ADAMTS6: variants seen among roughly 807,000 people sequenced by gnomAD.
The protein encoded by ADAMTS6 is ADAM metallopeptidase with thrombospondin type 1 motif 6.
In ADAMTS6, 23 loss-of-function variants were observed where a neutral mutation model predicts 144.3. The ratio of observed to expected loss-of-function variants is 0.16; its 90% confidence interval spans 0.11 to 0.23. The LOEUF (loss-of-function observed/expected upper bound fraction) is 0.23, where lower values mean the gene tolerates loss of function less well. Ranked by LOEUF, ADAMTS6 falls within the 10% of genes least tolerant of loss-of-function variation. The pLI, the probability that ADAMTS6 is intolerant of heterozygous loss-of-function variation, is 1.00. For synonymous variants in ADAMTS6, 444 were observed against 457.5 expected (o/e 0.97, Z 0.38); for missense variants, 999 against 1,379.6 (o/e 0.72, Z 4.37).
chr5:65,424,345 T>C (rs898777816), intron 7 of ADAMTS6, among the ~76,000 whole-genome samples: 5 of 152,220 alleles, frequency 3.3e-5, no homozygotes, highest in African/African-American at 4.8e-5. Flanking sequence ...ATCAAACTTA[T>C]ATATAAAGAT....
chr5:65,164,403 G>A (rs931885895), intron 24 of ADAMTS6, among the ~76,000 whole-genome samples: 1 of 151,286 alleles, frequency 6.6e-6, no homozygotes, highest in African/African-American at 2.4e-5. Context: ...CTCGCTGATT[G>A]CTAGCACAGC....
intron 7 of ADAMTS6, among the ~76,000 whole-genome samples, chr5:65,359,135 G>A (rs1313008475): frequency 6.6e-6 from 1 of 151,982 alleles, no homozygotes; most frequent in African/African-American, 2.4e-5. Flanking sequence ...ATTTCATCGG[G>A]GTTAATGTCC....
intron 7 of ADAMTS6, among the ~76,000 whole-genome samples, chr5:65,362,136 A>C (rs1409928788): frequency 6.6e-6 from 1 of 152,220 alleles, no homozygotes; most frequent in Non-Finnish European, 1.5e-5. Context: ...GAAAGGGCTT[A>C]TCTCTGTAAC....
At chr5:65,345,405 A>AT (rs1164150022) in intron 7 of ADAMTS6, among the ~76,000 whole-genome samples, 1 of 151,794 alleles carries the variant, frequency 6.6e-6, no homozygotes, top group East Asian at 1.9e-4. Flanking sequence ...TAAAAGGTAT[A>AT]TTTAATATAG....
At chr5:65,203,108 G>T (rs1463095605) in intron 20 of ADAMTS6, among the ~76,000 whole-genome samples, 1 of 152,140 alleles carries the variant, frequency 6.6e-6, no homozygotes, top group East Asian at 1.9e-4. Flanking sequence ...TGTTTCAAGT[G>T]CCTAAGTTTG....
intron 7 of ADAMTS6, among the ~76,000 whole-genome samples, chr5:65,391,976 T>C (rs1022851234): frequency 1.4e-4 from 22 of 152,274 alleles, no homozygotes; most frequent in Admixed American, 7.9e-4. Context: ...TCTCAAGTGA[T>C]CCACCCGTCT....
At chr5:65,316,737 T>C (rs1745038262) in intron 9 of ADAMTS6, among the ~76,000 whole-genome samples, 1 of 152,140 alleles carries the variant, frequency 6.6e-6, no homozygotes, top group Admixed American at 6.5e-5. Context: ...TTATTAAGGA[T>C]AAAAATAAAC....
chr5:65,282,402 AAGCCTCCAGGT>A (rs1362173685), intron 11 of ADAMTS6, among the ~76,000 whole-genome samples: 4 of 152,110 alleles, frequency 2.6e-5, no homozygotes, highest in African/African-American at 9.7e-5. Context: ...TATGCAGATG[AAGCCTCCAGGT>A]AGCAGGCTTC....
At chr5:65,317,830 T>C (rs1262531663) in intron 9 of ADAMTS6, among the ~76,000 whole-genome samples, 2 of 152,026 alleles carry the variant, frequency 1.3e-5, no homozygotes, top group Admixed American at 6.6e-5. Context: ...TCCCAGCACT[T>C]TGGGAGGCCG....
intron 20 of ADAMTS6, among the ~76,000 whole-genome samples, chr5:65,197,550 A>T (rs1755466601): frequency 6.6e-6 from 1 of 152,366 alleles, no homozygotes; most frequent in Admixed American, 6.5e-5. Context: ...TTTATTTAAA[A>T]ATAGAACAAT....
chr5:65,327,508 T>C (rs567559117), intron 9 of ADAMTS6, among the ~76,000 whole-genome samples: 249 of 152,168 alleles, frequency 1.6e-3, no homozygotes, highest in Non-Finnish European at 2.8e-3. Context: ...GTGGAATTTT[T>C]TCCCCATTTT....
At chr5:65,206,149 A>G (rs1373403850) in intron 20 of ADAMTS6, among the ~76,000 whole-genome samples, 2 of 152,220 alleles carry the variant, frequency 1.3e-5, no homozygotes, top group Non-Finnish European at 2.9e-5. Flanking sequence ...TTCAGTTCAC[A>G]GTATCCTTAG....
rs575421335 is a variant in ADAMTS6 at position 65,428,202 on chromosome 5, C to T, written c.1073+23273G>A. ...GATTGCACTATTGCATTCCAGCCTG[C>T]GCAACAGAGTGAGACTCCATCTCAA... On this transcript the variant is annotated intron_variant, in intron 7 of 24. Coordinates refer to ENST00000381055, the MANE Select transcript of ADAMTS6 (RefSeq NM_197941.4). Among the ~76,000 whole-genome samples the T allele has an allele frequency of 1.3e-3, 175 of 132,674 alleles. 1 individual carries two copies. Among genetic ancestry groups the T allele is most frequent in the African/African-American group, 4.2e-3 (139 of 33,198 alleles). 87.0% of individuals were successfully genotyped at this position (132,674 alleles called of 152,430 possible).
intron 7 of ADAMTS6, chr5:65,451,211 ATAT>A: frequency 6.6e-6 from 2 of 302,232 alleles, no homozygotes; most frequent in South Asian, 1.4e-4. Flanking sequence ...TTTTGATTAA[ATAT>A]TATGAATAGA....
At chr5:65,153,982 T>G (rs1752269061) in intron 24 of ADAMTS6, among the ~76,000 whole-genome samples, 1 of 152,086 alleles carries the variant, frequency 6.6e-6, no homozygotes, top group Non-Finnish European at 1.5e-5. Flanking sequence ...CTGAGGTGGG[T>G]GGATCACCTG....
chr5:65,193,069 A>C (rs921374742), intron 21 of ADAMTS6, among the ~76,000 whole-genome samples: 27 of 152,028 alleles, frequency 1.8e-4, no homozygotes, highest in African/African-American at 6.5e-4. Flanking sequence ...ATAAGTATAG[A>C]TCCCTTCCTC....
At chr5:65,154,132 C>T (rs553966697) in intron 24 of ADAMTS6, among the ~76,000 whole-genome samples, 43 of 152,258 alleles carry the variant, frequency 2.8e-4, no homozygotes, top group African/African-American at 9.6e-4. Context: ...CACTTGAACC[C>T]GGGAGGCGGA....
At chr5:65,307,960 C>T (rs1468351084) in intron 9 of ADAMTS6, among the ~76,000 whole-genome samples, 2 of 152,216 alleles carry the variant, frequency 1.3e-5, no homozygotes, top group Non-Finnish European at 2.9e-5. Flanking sequence ...CTGGGACATA[C>T]ACTTACAGCA....
intron 21 of ADAMTS6, among the ~76,000 whole-genome samples, chr5:65,192,087 T>C (rs1372352474): frequency 6.6e-6 from 1 of 152,072 alleles, no homozygotes; most frequent in African/African-American, 2.4e-5. Flanking sequence ...AAATAAGAGA[T>C]GACAGTTGTC....
Sources: allele counts gnomAD v4.1 joint callset (sites outside exome capture counted in the v4.1 genomes callset), GRCh38; gene constraint gnomAD v4.1.1; transcripts MANE v1.5; gene names NCBI Gene and HGNC (gene_info 2026-07-23, HGNC 2026-07-21).